The following DMTN variants were observed in gnomAD, a reference collection of about 807,000 sequenced individuals.
The protein encoded by DMTN is dematin actin binding protein.
A neutral mutation model predicts 59.4 loss-of-function variants in DMTN; 27 were observed. That is an observed-to-expected ratio of 0.45 (90% CI 0.33 to 0.63). DMTN has a LOEUF of 0.63. Among genes scored for constraint, DMTN ranks in the 20% least tolerant of loss-of-function variants. DMTN has a pLI of 0.02. For synonymous variants in DMTN, 221 were observed against 203.7 expected (o/e 1.08, Z -0.72); for missense variants, 451 against 528.9 (o/e 0.85, Z 1.45).
chr8:22,064,293 A>G (rs1028470993), intron 1 of DMTN, among the ~76,000 whole-genome samples: 1 of 152,278 alleles, frequency 6.6e-6, no homozygotes, highest in African/African-American at 2.4e-5. Context: ...AAGTAAAGAT[A>G]AGAGAGGAGA....
chr8:22,049,121 C>A (rs1316554985), upstream of DMTN: 2 of 150,396 alleles, frequency 1.3e-5, no homozygotes, highest in Non-Finnish European at 3.0e-5. Context: ...GGGCCCCAGG[C>A]CCCAGGCCCG....
At chr8:22,052,015 C>G (rs1171934964), upstream of DMTN, among the ~76,000 whole-genome samples, 3 of 152,356 alleles carry the variant, frequency 2.0e-5, no homozygotes, top group East Asian at 5.8e-4. Context: ...CAAGCATGTC[C>G]CCATTCTCAT....
upstream of DMTN, among the ~76,000 whole-genome samples, chr8:22,056,599 G>C (rs1802705707): frequency 1.4e-5 from 2 of 141,708 alleles, no homozygotes; most frequent in Admixed American, 1.3e-4. Flanking sequence ...GCAGACTGCG[G>C]TGTGGGAAAG....
chr8:22,049,736 C>T (rs2129742830), upstream of DMTN, among the ~76,000 whole-genome samples: 1 of 152,248 alleles, frequency 6.6e-6, no homozygotes, highest in South Asian at 2.1e-4. Context: ...ACTGAGTCCT[C>T]TCTTCTGAGG....
intron 4 of DMTN, 29 bp downstream of exon 4, chr8:22,067,711 C>T (rs901841142): frequency 5.6e-6 from 9 of 1,606,924 alleles, no homozygotes; most frequent in Middle Eastern, 1.7e-4. Flanking sequence ...GGCAGGACTC[C>T]GGGGGAGGCC....
upstream of DMTN, among the ~76,000 whole-genome samples, chr8:22,056,210 T>C (rs1288166030): frequency 1.3e-5 from 2 of 152,124 alleles, no homozygotes; most frequent in African/African-American, 4.8e-5. Flanking sequence ...TCTCTCTCTC[T>C]GCTGCATCCC....
At chr8:22,049,031 C>T (rs1338373261), upstream of DMTN, 1 of 148,456 alleles carries the variant, frequency 6.7e-6, no homozygotes, top group African/African-American at 2.4e-5. Context: ...CGGCGCGGCC[C>T]GTGCTACCTG....
Position 22,058,875 on chromosome 8 carries a change from C to T in DMTN, c.-172+1739C>T, listed in dbSNP as rs1804236126. 6.6e-6 allele frequency among the ~76,000 whole-genome samples: 1 copy of T among 152,246 alleles called. No homozygotes were observed. Among genetic ancestry groups the T allele is most frequent in the South Asian group, 2.1e-4 (1 of 4,838 alleles). On this transcript the variant is annotated intron_variant, in intron 1 of 15. Coordinates refer to ENST00000358242, the MANE Select transcript of DMTN (RefSeq NM_001387751.1). This position sits in a 1 kb window ranked among gnomAD's most constrained non-coding sequence, Gnocchi z 4.3. ...AGTAAGGGACACCTCTGATGAGCCA[C>T]TGGCCCAGAGCAGGCCTCAGCCTCC...
In DMTN at chr8:22,070,168, G is replaced by A. The variant is rs750151796; in HGVS notation, c.452-14G>A. On this transcript the variant is annotated splice_polypyrimidine_tract_variant and intron_variant, in intron 7 of 15. Coordinates refer to ENST00000358242, the MANE Select transcript of DMTN (RefSeq NM_001387751.1). ...GGCAGGGCACACCTGGCTGACCCTGGCCTTTGTCTGCAGAGTCCGTGGGAG... is the reference window on the plus strand; with the variant it reads ...GGCAGGGCACACCTGGCTGACCCTGACCTTTGTCTGCAGAGTCCGTGGGAG... The A allele has an allele frequency of 4.5e-6, 7 of 1,571,742 alleles. No individual in the cohort carries two copies. The East Asian group carries it at 9.0e-5, about 20-fold the overall frequency.
chr8:22,079,303 AG>A (rs1822537350), intron 10 of DMTN, among the ~76,000 whole-genome samples: 2 of 52,220 alleles, frequency 3.8e-5, no homozygotes, highest in East Asian at 5.8e-4. Context: ...TATATATATT[AG>A]CTGGGTTTGA....
intron 1 of DMTN, chr8:22,059,625 G>A (rs1032374595): frequency 1.4e-4 from 21 of 152,336 alleles, no homozygotes; most frequent in African/African-American, 5.1e-4. Context: ...TCTATTTGGG[G>A]GGCCTTCGGC....
chr8:22,067,076 TCTCCCCAGCAACCACTTAC>T lies in DMTN; in HGVS notation c.19-2_35del, dbSNP rs1811315038. ...CGTGCCCACCCGCCCGCCTTCTCGC[TCTCCCCAGCAACCACTTAC>T]CTCCCCCGGGAGCGTGAGCCCCTCC... is the stretch of plus-strand genomic sequence containing the variant. On this transcript the variant is annotated splice_acceptor_variant and splice_polypyrimidine_tract_variant and coding_sequence_variant and intron_variant, in exon 3 of 16. Coordinates refer to ENST00000358242, the MANE Select transcript of DMTN (RefSeq NM_001387751.1). LOFTEE classifies it high-confidence loss of function. The T allele has an allele frequency of 6.7e-7, 1 of 1,499,538 alleles. No individual in the cohort carries two copies. Among genetic ancestry groups the T allele is most frequent in the East Asian group, 2.8e-5 (1 of 35,226 alleles). 92.9% of individuals were successfully genotyped at this position (1,499,538 alleles called of 1,614,324 possible).
intron 10 of DMTN, among the ~76,000 whole-genome samples, chr8:22,079,513 G>A (rs1207438617): frequency 1.3e-5 from 2 of 152,052 alleles, no homozygotes; most frequent in African/African-American, 2.4e-5. Flanking sequence ...GCCCATGCCT[G>A]TAGCTCCAGT....
chr8:22,080,836 G>T lies in DMTN; in HGVS notation c.989G>T (p.Arg330Leu). 1 of 1,597,488 alleles carries T rather than the reference G, an allele frequency of 6.3e-7. No homozygotes were observed. The highest frequency in any genetic ancestry group is 8.6e-7 in the Non-Finnish European group (1 of 1,169,340). The change falls in exon 14 of 16, where the codon CGG becomes CTG. Residue 330 changes from arginine to leucine, a missense_variant. Arg to Leu is a moderately radical substitution (Grantham distance 102). Transcript: ENST00000358242. ...GAGGGCCAGAGGGGGAGGATGGACC[G>T]GGGGAACTCCCTGCCCTGTGTGCTG... Reference protein sequence around the residue: ...NGEGQRGRMDRGNSLPCVLEQ... With the variant: ...NGEGQRGRMDLGNSLPCVLEQ...
chr8:22,057,802 G>C (rs1244305587), intron 1 of DMTN: 1 of 152,410 alleles, frequency 6.6e-6, no homozygotes, highest in African/African-American at 2.4e-5. Flanking sequence ...TGTCCCTCAG[G>C]GCCTAGCAGG....
chr8:22,076,206 A>T (rs1819686030), intron 10 of DMTN, among the ~76,000 whole-genome samples: 1 of 152,118 alleles, frequency 6.6e-6, no homozygotes, highest in South Asian at 2.1e-4. Flanking sequence ...TGGAAGGTGC[A>T]TCTGGCAGAG....
chr8:22,080,969 G>A, intron 14 of DMTN, 99 bp downstream of exon 14: 1 of 1,491,882 alleles, frequency 6.7e-7, no homozygotes, highest in Non-Finnish European at 9.1e-7. Flanking sequence ...TGTTGAAGAT[G>A]GGAGGGATGG....
chr8:22,053,462 C>G (rs1801573781), upstream of DMTN: 1 of 152,424 alleles, frequency 6.6e-6, no homozygotes, highest in Non-Finnish European at 1.5e-5. Context: ...TCCAGGTGCC[C>G]TGGCTCCACC....
chr8:22,082,247 G>C lies in DMTN; in HGVS notation c.*784G>C, dbSNP rs1586280323. 1 of 456,810 alleles carries C rather than the reference G, an allele frequency of 2.2e-6. No individual in the cohort carries two copies. The highest frequency in any genetic ancestry group is 2.4e-5 in the Admixed American group (1 of 42,548). 28.3% of individuals were successfully genotyped at this position (456,810 alleles called of 1,614,324 possible). On this transcript the variant is annotated 3_prime_UTR_variant, in exon 16 of 16. Transcript: ENST00000358242. ...ACATTTTGGAGTGTCCTGGCTACCA[G>C]CTCTCACCTACACCCACGCACCCCC... is the stretch of plus-strand genomic sequence containing the variant.
Sources: allele counts gnomAD v4.1 joint callset (sites outside exome capture counted in the v4.1 genomes callset), GRCh38; gene constraint gnomAD v4.1.1; non-coding constraint Gnocchi (gnomAD v3.1); transcripts MANE v1.5; gene names NCBI Gene and HGNC (gene_info 2026-07-23, HGNC 2026-07-21).